DPYD: variants seen among roughly 807,000 people sequenced by gnomAD.
The protein encoded by DPYD is dihydropyrimidine dehydrogenase.
Under a neutral mutation model 116.2 loss-of-function variants are expected in DPYD, and 109 were observed. The ratio of observed to expected loss-of-function variants is 0.94; its 90% CI spans 0.80 to 1.10. DPYD has a LOEUF of 1.10. Among genes scored for constraint, DPYD ranks in the 50% least tolerant of loss-of-function variants. DPYD has a pLI of 0.00. For missense variants in DPYD, 1,302 were observed against 1,254.5 expected (o/e 1.04, Z -0.57); for synonymous variants, 440 against 432.0 (o/e 1.02, Z -0.23).
intron 3 of DPYD, among the ~76,000 whole-genome samples, chr1:97,742,770 T>A (rs908077496): frequency 9.9e-5 from 15 of 152,086 alleles, no homozygotes; most frequent in African/African-American, 3.6e-4. Flanking sequence ...TATGTCGCAA[T>A]ACAAAATAGC....
At chr1:97,411,970 A>C (rs996593250) in intron 14 of DPYD, among the ~76,000 whole-genome samples, 2 of 152,236 alleles carry the variant, frequency 1.3e-5, no homozygotes, top group Non-Finnish European at 2.9e-5. Context: ...ATTAAAATCA[A>C]GAAATGGTAT....
chr1:97,170,656 TA>T (rs1367483617), intron 20 of DPYD, among the ~76,000 whole-genome samples: 3 of 151,974 alleles, frequency 2.0e-5, no homozygotes, highest in Non-Finnish European at 4.4e-5. Context: ...GTCTCTATCT[TA>T]AATACTTTCT....
intron 8 of DPYD, among the ~76,000 whole-genome samples, chr1:97,659,313 A>G (rs182607430): frequency 2.0e-5 from 3 of 152,206 alleles, no homozygotes; most frequent in Admixed American, 6.5e-5. Context: ...ATATAATTAC[A>G]TATGTCCAAC....
At chr1:97,835,405 T>C (rs757777460) in intron 2 of DPYD, among the ~76,000 whole-genome samples, 4 of 152,092 alleles carry the variant, frequency 2.6e-5, no homozygotes, top group South Asian at 2.1e-4. Context: ...TTTTAAAAGA[T>C]AGAATGAATC....
chr1:97,501,354 T>C (rs1222028869), intron 13 of DPYD, among the ~76,000 whole-genome samples: 1 of 152,044 alleles, frequency 6.6e-6, no homozygotes, highest in East Asian at 1.9e-4. Context: ...TGGCTCTGCC[T>C]ATAGTAACTT....
chr1:97,891,110 TA>T (rs913493162), intron 1 of DPYD, among the ~76,000 whole-genome samples: 1 of 151,904 alleles, frequency 6.6e-6, no homozygotes, highest in Non-Finnish European at 1.5e-5. Context: ...TCAGAGCTGT[TA>T]AAAATAATTT....
intron 20 of DPYD, among the ~76,000 whole-genome samples, chr1:97,118,673 C>T (rs556113791): frequency 4.6e-4 from 70 of 152,214 alleles, no homozygotes; most frequent in African/African-American, 1.6e-3. Context: ...AATATTTTTT[C>T]TGCCAGATTC....
At chr1:97,286,370 A>C (rs1215172698) in intron 18 of DPYD, among the ~76,000 whole-genome samples, 1 of 151,866 alleles carries the variant, frequency 6.6e-6, no homozygotes, top group Non-Finnish European at 1.5e-5. Flanking sequence ...TTTCATTTCA[A>C]TTTTGGTGAA....
intron 8 of DPYD, among the ~76,000 whole-genome samples, chr1:97,649,983 A>G (rs1658490894): frequency 6.6e-6 from 1 of 151,902 alleles, no homozygotes; most frequent in African/African-American, 2.4e-5. Context: ...AGGCCGACAG[A>G]GTAATTCTTT....
chr1:97,116,690 A>G (rs1180230423), intron 20 of DPYD, among the ~76,000 whole-genome samples: 2 of 152,090 alleles, frequency 1.3e-5, no homozygotes, highest in Non-Finnish European at 2.9e-5. Flanking sequence ...TAAATAAATA[A>G]AAGATACAAA....
Position 97,843,277 on chromosome 1 carries a change from T to C in DPYD, c.151-15081A>G, listed in dbSNP as rs188026898. On this transcript the variant is annotated intron_variant, in intron 2 of 22. Transcript: ENST00000370192. ...AATATTGCTTTACAGCTTCTCACTA[T>C]AGCAATAACTCACCCCTACACCTAT... 2.6e-5 allele frequency among the ~76,000 whole-genome samples: 4 copies of C among 152,278 alleles called. No homozygotes were observed. The East Asian group carries it at 7.7e-4, about 29-fold the overall frequency.
chr1:97,433,836 C>T (rs886246933), intron 14 of DPYD, among the ~76,000 whole-genome samples: 7 of 152,178 alleles, frequency 4.6e-5, no homozygotes, highest in South Asian at 2.1e-4. Context: ...TAATTATAGT[C>T]GAGGTAACAA....
At chr1:97,330,623 A>G (rs1365607070) in intron 16 of DPYD, among the ~76,000 whole-genome samples, 2 of 152,216 alleles carry the variant, frequency 1.3e-5, no homozygotes, top group African/African-American at 4.8e-5. Context: ...TGATTTAAAA[A>G]TATACAACAG....
intron 14 of DPYD, among the ~76,000 whole-genome samples, chr1:97,445,506 C>T (rs1320833093): frequency 1.3e-5 from 2 of 152,068 alleles, no homozygotes; most frequent in African/African-American, 4.8e-5. Flanking sequence ...TCTCCCATAA[C>T]CTAATATGTA....
At chr1:97,564,196 CAT>C (rs1261444662) in intron 11 of DPYD, among the ~76,000 whole-genome samples, 1 of 152,112 alleles carries the variant, frequency 6.6e-6, no homozygotes, top group Non-Finnish European at 1.5e-5. Flanking sequence ...CATGAGGAAT[CAT>C]GTGTGTTATT....
intron 14 of DPYD, among the ~76,000 whole-genome samples, chr1:97,405,939 G>A (rs529112565): frequency 3.5e-4 from 54 of 152,190 alleles, no homozygotes; most frequent in African/African-American, 1.1e-3. Context: ...CAGAAGCAGC[G>A]GGGGAATTTT....
chr1:97,732,431 T>C lies in DPYD; in HGVS notation c.321+7961A>G, dbSNP rs888148560. 1.4e-3 allele frequency among the ~76,000 whole-genome samples: 207 copies of C among 146,448 alleles called. 5 individuals carry two copies. The highest frequency in any genetic ancestry group is 3.6e-3 in the Middle Eastern group (1 of 280). On this transcript the variant is annotated intron_variant, in intron 4 of 22. Coordinates refer to ENST00000370192, the MANE Select transcript of DPYD (RefSeq NM_000110.4). ...AGGAGGTTTCAGTGAGCCGAGATTGTGCCACTGCACTCCAGTCTGGCAACA... is the reference window on the plus strand; with the variant it reads ...AGGAGGTTTCAGTGAGCCGAGATTGCGCCACTGCACTCCAGTCTGGCAACA...
chr1:97,404,758 C>A (rs543840363), intron 14 of DPYD, among the ~76,000 whole-genome samples: 1 of 151,758 alleles, frequency 6.6e-6, no homozygotes. Context: ...TTTTAATTGG[C>A]GTATTTAGAT....
At chr1:97,314,490 C>CTT (rs66629750) in intron 16 of DPYD, among the ~76,000 whole-genome samples, 39,863 of 123,054 alleles carry the variant, frequency 0.32, 6,463 homozygotes, top group Non-Finnish European at 0.34. Context: ...CTAAAGCTTT[C>CTT]TTTTTTTTTT....
Sources: gnomAD v4.1 joint callset for allele counts (sites outside exome capture counted in the v4.1 genomes callset) on GRCh38, gnomAD v4.1.1 for gene constraint, MANE v1.5 for transcripts, NCBI Gene and HGNC (gene_info 2026-07-23, HGNC 2026-07-21) for gene names.